The following MTMR10 variants were observed in gnomAD, a reference collection of about 807,000 sequenced individuals.
MTMR10 encodes myotubularin related protein 10, also known as myotubularin-related protein 10.
Under a neutral mutation model 88.1 loss-of-function variants are expected in MTMR10, and 56 were observed. The observed-to-expected ratio is 0.64, with a 90% confidence interval of 0.51 to 0.79. MTMR10 has a LOEUF of 0.79. MTMR10 is among the 30% of genes least tolerant of loss of function. The probability of loss-of-function intolerance (pLI) is 0.00; values close to 1 mark genes in which losing one functional copy is unlikely to be tolerated. For missense variants in MTMR10, 883 were observed against 924.7 expected (o/e 0.95, Z 0.58); for synonymous variants, 380 against 340.9 (o/e 1.11, Z -1.26).
rs915276897 is a variant in MTMR10 at position 30,940,310 on chromosome 15, AC to A, written c.*1159del. ...TAGAGAGATTCAGATCAAGCAAACA[AC>A]TGTGTCTGCTCATTCTCCTCAACTT... On this transcript the variant is annotated 3_prime_UTR_variant, in exon 16 of 16. Transcript: ENST00000435680. 6.1e-6 allele frequency: 6 copies of A among 985,408 alleles called. No individual in the cohort carries two copies. Among genetic ancestry groups the A allele is most frequent in the Non-Finnish European group, 6.0e-6 (5 of 829,896 alleles). 61.0% of individuals were successfully genotyped at this position (985,408 alleles called of 1,614,324 possible).
At chr15:30,975,081 G>T in intron 3 of MTMR10, 78 bp from the exon 4 acceptor site, 1 of 1,070,304 alleles carries the variant, frequency 9.3e-7, no homozygotes, top group Non-Finnish European at 1.3e-6. Flanking sequence ...AAACTGTGAT[G>T]ATAAACTGTG....
intron 13 of MTMR10, among the ~76,000 whole-genome samples, chr15:30,947,545 T>G (rs1470305760): frequency 2.0e-5 from 3 of 152,208 alleles, no homozygotes; most frequent in Non-Finnish European, 4.4e-5. Flanking sequence ...AAGCACACAG[T>G]TGAGCGGGTT....
intron 9 of MTMR10, among the ~76,000 whole-genome samples, chr15:30,957,766 C>T (rs954426266): frequency 2.0e-5 from 3 of 151,974 alleles, no homozygotes; most frequent in African/African-American, 7.3e-5. Flanking sequence ...CAGATGAGTG[C>T]AAAGAAGGCA....
intron 2 of MTMR10, among the ~76,000 whole-genome samples, chr15:30,988,029 C>T (rs897707316): frequency 3.3e-5 from 5 of 152,110 alleles, no homozygotes; most frequent in Admixed American, 3.3e-4. Context: ...TTATTCACTC[C>T]CTCTTAGTAA....
At position 30,952,053 on chromosome 15, in the gene MTMR10, G is replaced by A; in HGVS notation, c.1137-15C>T. On this transcript the variant is annotated splice_polypyrimidine_tract_variant and intron_variant, in intron 11 of 15. Coordinates refer to ENST00000435680, the MANE Select transcript of MTMR10 (RefSeq NM_017762.3). ...TAAGGAATGCCCTGAAGAGAGAAAA[G>A]GAAAAGCAGTGTTAAAAATCAAATT... 2 of 1,607,074 alleles carry A rather than the reference G, an allele frequency of 1.2e-6. No individual in the cohort carries two copies. Among genetic ancestry groups the A allele is most frequent in the African/African-American group, 1.3e-5 (1 of 74,850 alleles).
At chr15:30,923,679 G>A in the MTMR10 span, among the ~76,000 whole-genome samples, 3 of 152,224 alleles carry the variant, frequency 2.0e-5, no homozygotes, top group South Asian at 2.1e-4. Context: ...CCAGGCTGCC[G>A]CTGCCCGGCA....
intron 5 of MTMR10, chr15:30,968,298 G>A: frequency 4.1e-6 from 1 of 246,630 alleles, no homozygotes; most frequent in Non-Finnish European, 7.7e-6. Context: ...AATAAAGAAA[G>A]CTTCAAACTA....
At position 30,988,715 on chromosome 15, in the gene MTMR10, G is replaced by A. The variant is rs184351651; in HGVS notation, c.121+2062C>T. Among the ~76,000 whole-genome samples, 926 of 152,216 alleles carry A rather than the reference G, an allele frequency of 6.1e-3. 6 individuals are homozygous for A. Among genetic ancestry groups the A allele is most frequent in the Middle Eastern group, 0.02 (6 of 294 alleles). ...GCTAATTTTAAAAAAGTGGCCAGGC[G>A]CAGTGGCTCACGCCTGTAATCCCAG... On this transcript the variant is annotated intron_variant, in intron 2 of 15. Coordinates refer to ENST00000435680, the MANE Select transcript of MTMR10 (RefSeq NM_017762.3).
At chr15:30,986,900 C>G (rs534253581) in intron 2 of MTMR10, among the ~76,000 whole-genome samples, 1 of 152,350 alleles carries the variant, frequency 6.6e-6, no homozygotes, top group Admixed American at 6.5e-5. Flanking sequence ...CGAACCGATC[C>G]ACCAGTCCAG....
intron 14 of MTMR10, chr15:30,943,994 C>G (rs1451766971): frequency 2.0e-6 from 2 of 985,128 alleles, no homozygotes; most frequent in East Asian, 2.3e-4. Context: ...TTGTTCTGTA[C>G]CTTTCAGTAC....
chr15:30,973,633 G>C (rs1285793691), intron 5 of MTMR10, among the ~76,000 whole-genome samples: 1 of 152,096 alleles, frequency 6.6e-6, no homozygotes, highest in East Asian at 1.9e-4. Context: ...CTTCCTACTG[G>C]AAAGTCTGTG....
At chr15:30,922,298 C>T in the MTMR10 span, 46 of 1,613,754 alleles carry the variant, frequency 2.9e-5, no homozygotes, top group South Asian at 8.8e-5. Flanking sequence ...CAGCAGAGGC[C>T]GATGGTGGGA....
chr15:30,987,380 A>G (rs764899199), intron 2 of MTMR10, among the ~76,000 whole-genome samples: 10 of 152,232 alleles, frequency 6.6e-5, no homozygotes, highest in Non-Finnish European at 1.5e-4. Context: ...CCCATCTCAG[A>G]GTTTCATGTA....
At chr15:30,991,309 C>T in intron 1 of MTMR10, 138 bp downstream of exon 1, 1 of 892,022 alleles carries the variant, frequency 1.1e-6, no homozygotes, top group Non-Finnish European at 1.6e-6. Flanking sequence ...TTCGCGGCGC[C>T]GGGAATCAGG....
chr15:30,934,573 G>A (rs2062802027), downstream of MTMR10, among the ~76,000 whole-genome samples: 1 of 152,080 alleles, frequency 6.6e-6, no homozygotes, highest in African/African-American at 2.4e-5. Context: ...TAGAGATGGG[G>A]TTCCACCATG....
Position 30,941,391 on chromosome 15 carries a change from C to A in MTMR10, c.*79G>T. Reference sequence around the variant, plus strand: ...CTTACATATAAAGTTATTAGAGATTCAAACGCCTAGGTTAGCAATGTTAAT... The same window carrying A: ...CTTACATATAAAGTTATTAGAGATTAAAACGCCTAGGTTAGCAATGTTAAT... On this transcript the variant is annotated 3_prime_UTR_variant, in exon 16 of 16. Coordinates refer to ENST00000435680, the MANE Select transcript of MTMR10 (RefSeq NM_017762.3). 6.5e-7 allele frequency: 1 copy of A among 1,543,278 alleles called. No individual in the cohort carries two copies. The highest frequency in any genetic ancestry group is 8.7e-7 in the Non-Finnish European group (1 of 1,148,004).
chr15:30,925,103 A>T, the MTMR10 span: 2 of 1,592,202 alleles, frequency 1.3e-6, no homozygotes, highest in Non-Finnish European at 1.7e-6. Flanking sequence ...TAGGAGCCTG[A>T]TGTGTGACCA....
chr15:30,942,314 C>A, intron 15 of MTMR10: 1 of 563,996 alleles, frequency 1.8e-6, no homozygotes, highest in Non-Finnish European at 3.1e-6. Context: ...GAGAGTACCT[C>A]CTATCCACTA....
At chr15:30,943,174 C>T (rs995005866) in intron 14 of MTMR10, 102 bp from the exon 15 acceptor site, 4 of 1,446,200 alleles carry the variant, frequency 2.8e-6, no homozygotes, top group Non-Finnish European at 3.6e-6. Flanking sequence ...ATGTTCTGTA[C>T]TGCAGCCCTC....
Sources: gnomAD v4.1 joint callset for allele counts (sites outside exome capture counted in the v4.1 genomes callset) on GRCh38, gnomAD v4.1.1 for gene constraint, MANE v1.5 for transcripts, NCBI Gene and HGNC (gene_info 2026-07-23, HGNC 2026-07-21) for gene names.